LINGO2: variants seen among roughly 807,000 people sequenced by gnomAD.
LINGO2 encodes the protein leucine rich repeat and Ig domain containing 2.
LINGO2 carries 14 observed loss-of-function variants against 30.6 expected under a neutral mutation model. That is an observed-to-expected ratio of 0.46 (90% CI 0.30 to 0.72). LINGO2 has a LOEUF of 0.72. Among genes scored for constraint, LINGO2 ranks in the 30% least tolerant of loss-of-function variants. LINGO2 has a pLI of 0.07. For missense variants in LINGO2, 729 were observed against 751.7 expected (o/e 0.97, Z 0.35); for synonymous variants, 317 against 288.5 (o/e 1.10, Z -1.00).
At chr9:28,108,245 G>A (rs907449244) in intron 4 of LINGO2, among the ~76,000 whole-genome samples, 3 of 152,090 alleles carry the variant, frequency 2.0e-5, no homozygotes, top group African/African-American at 2.4e-5. Context: ...CTTTAAAGTC[G>A]CAATTAGGTT....
intron 5 of LINGO2, among the ~76,000 whole-genome samples, chr9:27,968,033 T>A (rs2118704584): frequency 6.6e-6 from 1 of 152,226 alleles, no homozygotes; most frequent in East Asian, 1.9e-4. Context: ...CTGCTTGAGT[T>A]CTGTCCAAAA....
chr9:28,285,779 T>C (rs559969949), intron 4 of LINGO2, among the ~76,000 whole-genome samples: 27 of 152,168 alleles, frequency 1.8e-4, no homozygotes, highest in Non-Finnish European at 3.8e-4. Flanking sequence ...AACTTGATAG[T>C]TTATAGGTCA....
intron 1 of LINGO2, among the ~76,000 whole-genome samples, chr9:28,612,305 G>A (rs978714113): frequency 4.6e-5 from 7 of 152,180 alleles, no homozygotes; most frequent in East Asian, 1.9e-4. Context: ...TCAAGTGATC[G>A]TCCCACCTCA....
At chr9:27,982,630 G>T (rs1468445389) in intron 5 of LINGO2, among the ~76,000 whole-genome samples, 5 of 151,866 alleles carry the variant, frequency 3.3e-5, no homozygotes, top group Non-Finnish European at 7.4e-5. Flanking sequence ...AGCTCACACA[G>T]CTAATAAGTG....
At chr9:28,742,080 GCT>G in the LINGO2 span, among the ~76,000 whole-genome samples, 4 of 151,944 alleles carry the variant, frequency 2.6e-5, no homozygotes, top group Non-Finnish European at 5.9e-5. Flanking sequence ...CTGCCTGAAG[GCT>G]AAAGCCACAT....
At chr9:28,918,046 C>T in the LINGO2 span, among the ~76,000 whole-genome samples, 1 of 152,070 alleles carries the variant, frequency 6.6e-6, no homozygotes, top group African/African-American at 2.4e-5. Context: ...GTTTTCCAGT[C>T]ATCCCTTACA....
chr9:28,775,636 C>G, the LINGO2 span, among the ~76,000 whole-genome samples: 2 of 152,112 alleles, frequency 1.3e-5, no homozygotes, highest in Non-Finnish European at 2.9e-5. Context: ...GTTCAATGAA[C>G]TTACATGAGT....
At chr9:28,928,378 T>C in the LINGO2 span, among the ~76,000 whole-genome samples, 1 of 152,184 alleles carries the variant, frequency 6.6e-6, no homozygotes, top group Non-Finnish European at 1.5e-5. Flanking sequence ...ATTTTTGGTC[T>C]AAAAGAAGGA....
At chr9:28,292,163 A>G (rs1165540543) in intron 4 of LINGO2, among the ~76,000 whole-genome samples, 1 of 152,228 alleles carries the variant, frequency 6.6e-6, no homozygotes. Context: ...TCCAACATGT[A>G]TCAAAGGGAC....
At chr9:27,969,550 TGAG>T (rs1171297877) in intron 5 of LINGO2, among the ~76,000 whole-genome samples, 2 of 152,152 alleles carry the variant, frequency 1.3e-5, no homozygotes, top group Non-Finnish European at 2.9e-5. Context: ...CAATCTCCCC[TGAG>T]ATAGGAACTG....
chr9:28,998,286 C>T, the LINGO2 span, among the ~76,000 whole-genome samples: 1,027 of 152,270 alleles, frequency 6.7e-3, 17 homozygotes, highest in African/African-American at 0.023. Flanking sequence ...AAGCCCATAT[C>T]ATGCCAACAA....
the LINGO2 span, among the ~76,000 whole-genome samples, chr9:29,027,910 C>G: frequency 6.6e-6 from 1 of 152,140 alleles, no homozygotes. Flanking sequence ...GTAACTAATA[C>G]AGTGCACTTA....
At chr9:28,933,765 C>A in the LINGO2 span, among the ~76,000 whole-genome samples, 6 of 152,200 alleles carry the variant, frequency 3.9e-5, no homozygotes, top group Non-Finnish European at 8.8e-5. Flanking sequence ...ATCCGCCCAA[C>A]AATTGCTTGT....
the LINGO2 span, among the ~76,000 whole-genome samples, chr9:29,027,481 G>GTTTT: frequency 6.6e-6 from 1 of 151,982 alleles, no homozygotes; most frequent in Non-Finnish European, 1.5e-5. Flanking sequence ...GGGGCTACAG[G>GTTTT]CACACGCCAC....
intron 3 of LINGO2, among the ~76,000 whole-genome samples, chr9:28,310,089 G>A (rs749448975): frequency 5.3e-5 from 8 of 152,142 alleles, no homozygotes; most frequent in Non-Finnish European, 8.8e-5. Context: ...TTGAAGAGTA[G>A]TTTGATGTTC....
At chr9:28,907,361 G>C in the LINGO2 span, among the ~76,000 whole-genome samples, 1 of 151,902 alleles carries the variant, frequency 6.6e-6, no homozygotes, top group Non-Finnish European at 1.5e-5. Context: ...GTGGAAAGTA[G>C]CACAAAAGAG....
chr9:29,038,348 A>C, the LINGO2 span, among the ~76,000 whole-genome samples: 1 of 152,008 alleles, frequency 6.6e-6, no homozygotes, highest in African/African-American at 2.4e-5. Flanking sequence ...TTTACTTATA[A>C]GGTTGATCAT....
At chr9:29,160,790 TG>T in the LINGO2 span, among the ~76,000 whole-genome samples, 2 of 152,214 alleles carry the variant, frequency 1.3e-5, no homozygotes, top group Non-Finnish European at 2.9e-5. Flanking sequence ...ATAAGGTATA[TG>T]GGTGTGCTTT....
intron 3 of LINGO2, among the ~76,000 whole-genome samples, chr9:28,340,915 T>A (rs950542554): frequency 1.3e-5 from 2 of 152,150 alleles, no homozygotes; most frequent in African/African-American, 2.4e-5. Flanking sequence ...TTAGAAAATC[T>A]AGCAATAAAT....
Sources: gnomAD v4.1 joint callset for allele counts (sites outside exome capture counted in the v4.1 genomes callset) on GRCh38, gnomAD v4.1.1 for gene constraint, MANE v1.5 for transcripts, NCBI Gene and HGNC (gene_info 2026-07-23, HGNC 2026-07-21) for gene names.